The following UHRF2 variants were observed in gnomAD, a reference collection of about 807,000 sequenced individuals.
UHRF2 encodes ubiquitin like with PHD and ring finger domains 2.
In UHRF2, 23 loss-of-function variants were observed where a neutral mutation model predicts 96.8. The ratio of observed to expected loss-of-function variants is 0.24; its 90% confidence interval spans 0.17 to 0.34. The LOEUF is 0.34. Among genes scored for constraint, UHRF2 ranks in the 10% least tolerant of loss-of-function variants. The probability of loss-of-function intolerance (pLI) is 1.00; values close to 1 mark genes in which losing one functional copy is unlikely to be tolerated. For missense variants in UHRF2, 685 were observed against 981.5 expected (o/e 0.70, Z 4.04); for synonymous variants, 385 against 332.6 (o/e 1.16, Z -1.72).
At chr9:6,462,638 G>C (rs1275133317) in intron 4 of UHRF2, among the ~76,000 whole-genome samples, 4 of 152,220 alleles carry the variant, frequency 2.6e-5, no homozygotes, top group Admixed American at 1.3e-4. Flanking sequence ...AGATTTCCTG[G>C]CTGGGTGCAG....
intron 3 of UHRF2, among the ~76,000 whole-genome samples, chr9:6,456,503 G>A (rs58682419): frequency 1.4e-4 from 21 of 152,166 alleles, no homozygotes; most frequent in South Asian, 2.1e-4. Context: ...TCTGATGATA[G>A]TTTCTTTTGC....
intron 3 of UHRF2, among the ~76,000 whole-genome samples, chr9:6,444,686 C>G (rs1040657921): frequency 2.0e-5 from 3 of 152,102 alleles, no homozygotes; most frequent in African/African-American, 4.8e-5. Flanking sequence ...ACTGCAACCT[C>G]CCCCTCCAGG....
chr9:6,440,838 CCT>C (rs1563757746), intron 3 of UHRF2, among the ~76,000 whole-genome samples: 2 of 152,154 alleles, frequency 1.3e-5, no homozygotes, highest in Admixed American at 1.3e-4. Flanking sequence ...GTGCATGAGA[CCT>C]CTCCGCATAG....
At chr9:6,468,901 CA>C (rs1823044673) in intron 4 of UHRF2, among the ~76,000 whole-genome samples, 1 of 152,148 alleles carries the variant, frequency 6.6e-6, no homozygotes, top group African/African-American at 2.4e-5. Context: ...GTTAAACCAC[CA>C]CATTATCTCT....
Position 6,413,443 on chromosome 9 carries a change from A to G in UHRF2, c.-48A>G. The G allele has an allele frequency of 7.9e-7, 1 of 1,261,792 alleles. No homozygotes were observed. 78.2% of individuals were successfully genotyped at this position (1,261,792 alleles called of 1,614,324 possible). A position where few individuals can be genotyped will look rare whatever the true frequency, so the allele number is the denominator to read the frequency against. ...GCGGGCCGGGCGGGGCGCGGCGCCC[A>G]GAGCTCAGGGGGAGACAAAGGGGAC... is the stretch of plus-strand genomic sequence containing the variant. On this transcript the variant is annotated 5_prime_UTR_variant, in exon 1 of 16. Coordinates refer to ENST00000276893, the MANE Select transcript of UHRF2 (RefSeq NM_152896.3).
intron 4 of UHRF2, among the ~76,000 whole-genome samples, chr9:6,465,946 T>A (rs1291658451): frequency 6.6e-6 from 1 of 152,210 alleles, no homozygotes; most frequent in Non-Finnish European, 1.5e-5. Context: ...TTGAAAAAAA[T>A]TGAAAACAAG....
At chr9:6,473,287 C>T (rs913957170) in intron 4 of UHRF2, among the ~76,000 whole-genome samples, 4 of 152,078 alleles carry the variant, frequency 2.6e-5, no homozygotes, top group Admixed American at 2.6e-4. Context: ...TATTTAAATC[C>T]ATGAGTCCAT....
At chr9:6,447,310 T>C (rs1456426387) in intron 3 of UHRF2, among the ~76,000 whole-genome samples, 1 of 152,216 alleles carries the variant, frequency 6.6e-6, no homozygotes, top group African/African-American at 2.4e-5. Flanking sequence ...GTTTTCTGTT[T>C]AGTAAGTTGG....
intron 2 of UHRF2, among the ~76,000 whole-genome samples, chr9:6,427,176 G>A (rs1311083811): frequency 2.0e-5 from 3 of 152,046 alleles, no homozygotes; most frequent in Non-Finnish European, 4.4e-5. Context: ...TATTGCTTTT[G>A]TCTTGAATTC....
intron 4 of UHRF2, among the ~76,000 whole-genome samples, chr9:6,463,145 G>A (rs150731108): frequency 6.6e-6 from 1 of 152,218 alleles, no homozygotes; most frequent in Non-Finnish European, 1.5e-5. Flanking sequence ...GCTGGGTGCG[G>A]TGTTGCATGC....
chr9:6,499,875 C>G lies in UHRF2; in HGVS notation c.1949C>G (p.Pro650Arg). 6.2e-7 allele frequency: 1 copy of G among 1,611,626 alleles called. No homozygotes were observed. The highest frequency in any genetic ancestry group is 1.1e-5 in the South Asian group (1 of 90,952). ...GYPSDKEGKK[P>R]KGQSKKQPSG... Reference sequence around the variant, plus strand: ...CCTTCAGATAAAGAAGGGAAGAAGCCTAAAGGACAGTCAAAGAAGCAGCCC... The same window carrying G: ...CCTTCAGATAAAGAAGGGAAGAAGCGTAAAGGACAGTCAAAGAAGCAGCCC... The change falls in exon 13 of 16, where the codon CCT becomes CGT. Residue 650 changes from proline (P) to arginine (R), a missense_variant. Physicochemically the swap from Pro to Arg is moderately radical, Grantham distance 103. Around this residue, in one of 6 missense-constraint regions of UHRF2, gnomAD observed 99 missense variants for 73.5 expected, o/e 1.35. Coordinates refer to ENST00000276893, the MANE Select transcript of UHRF2 (RefSeq NM_152896.3).
At chr9:6,459,505 C>G (rs1822395059) in intron 3 of UHRF2, among the ~76,000 whole-genome samples, 1 of 152,180 alleles carries the variant, frequency 6.6e-6, no homozygotes, top group African/African-American at 2.4e-5. Context: ...CCCGTCTCTA[C>G]TAAAAATTCA....
At chr9:6,502,093 CATTT>C (rs932519147) in intron 14 of UHRF2, among the ~76,000 whole-genome samples, 5 of 152,290 alleles carry the variant, frequency 3.3e-5, no homozygotes, top group African/African-American at 1.2e-4. Context: ...GCCAGGAACA[CATTT>C]ATTAAGCCAG....
intron 1 of UHRF2, among the ~76,000 whole-genome samples, chr9:6,419,269 T>C (rs1042719402): frequency 1.7e-4 from 26 of 152,202 alleles, no homozygotes; most frequent in African/African-American, 6.0e-4. Flanking sequence ...CCAAATAAGG[T>C]CACATTCTCA....
intron 1 of UHRF2, among the ~76,000 whole-genome samples, chr9:6,414,888 C>T (rs1819501988): frequency 6.6e-6 from 1 of 152,090 alleles, no homozygotes; most frequent in Admixed American, 6.6e-5. Context: ...TTTGTACTGA[C>T]TTCTTAGTGT....
At chr9:6,490,014 CAG>C (rs71328192) in intron 9 of UHRF2, among the ~76,000 whole-genome samples, 4,805 of 152,182 alleles carry the variant, frequency 0.032, 97 homozygotes, top group Middle Eastern at 0.072. Flanking sequence ...GTATATTTGT[CAG>C]AAATACAAAA....
intron 5 of UHRF2, among the ~76,000 whole-genome samples, chr9:6,477,031 G>A (rs1168402928): frequency 6.6e-6 from 1 of 152,170 alleles, no homozygotes; most frequent in Non-Finnish European, 1.5e-5. Context: ...TCAGGAGTTT[G>A]AGACCAGTCT....
chr9:6,471,432 C>G (rs1468700228), intron 4 of UHRF2, among the ~76,000 whole-genome samples: 2 of 152,224 alleles, frequency 1.3e-5, no homozygotes, highest in African/African-American at 2.4e-5. Context: ...CCATACTTCA[C>G]TAGGGTGGCT....
intron 3 of UHRF2, among the ~76,000 whole-genome samples, chr9:6,456,179 A>G (rs1387121710): frequency 6.6e-6 from 1 of 152,222 alleles, no homozygotes; most frequent in Non-Finnish European, 1.5e-5. Flanking sequence ...AGCTGGCTAC[A>G]TGTAAAAACT....
Sources: allele counts gnomAD v4.1 joint callset (sites outside exome capture counted in the v4.1 genomes callset), GRCh38; gene constraint gnomAD v4.1.1; regional missense constraint gnomAD v4.1.1; transcripts MANE v1.5; gene names NCBI Gene and HGNC (gene_info 2026-07-23, HGNC 2026-07-21).